The following PCDH7 variants were observed in gnomAD, a reference collection of about 807,000 sequenced individuals.
PCDH7 encodes the protein protocadherin 7.
In PCDH7, 17 loss-of-function variants were observed where a neutral mutation model predicts 58.9. The observed-to-expected ratio is 0.29, with a 90% CI of 0.20 to 0.43. The LOEUF is 0.43. Ranked by LOEUF, PCDH7 falls within the 20% of genes least tolerant of loss-of-function variation. The pLI, the probability that PCDH7 is intolerant of heterozygous loss-of-function variation, is 1.00. For missense variants in PCDH7, 1,274 were observed against 1,441.0 expected, an observed-to-expected ratio of 0.88 and a Z score of 1.88; for synonymous variants, 664 against 616.4, an observed-to-expected ratio of 1.08 and a Z score of -1.14.
intron 1 of PCDH7, among the ~76,000 whole-genome samples, chr4:30,769,918 T>G (rs761614668): frequency 1.3e-5 from 2 of 152,234 alleles, no homozygotes; most frequent in Admixed American, 1.3e-4. Context: ...TTTCTATAGC[T>G]AGAGCTTGAT....
At chr4:30,762,649 G>T (rs1331655295) in intron 1 of PCDH7, among the ~76,000 whole-genome samples, 1 of 152,112 alleles carries the variant, frequency 6.6e-6, no homozygotes, top group Non-Finnish European at 1.5e-5. Flanking sequence ...AAAGACCAAA[G>T]AAAATATTAG....
intron 2 of PCDH7, among the ~76,000 whole-genome samples, chr4:30,930,077 C>T (rs561471912): frequency 2.6e-5 from 4 of 151,880 alleles, no homozygotes; most frequent in Non-Finnish European, 4.4e-5. Context: ...GAGAGAAAGG[C>T]GTGTACAGAT....
intron 3 of PCDH7, among the ~76,000 whole-genome samples, chr4:31,089,426 A>AT (rs1396460234): frequency 2.6e-5 from 4 of 151,886 alleles, no homozygotes; most frequent in Admixed American, 6.6e-5. Flanking sequence ...TTTTTTTCTT[A>AT]TTTTTTTAAT....
intron 1 of PCDH7, among the ~76,000 whole-genome samples, chr4:30,780,542 T>C (rs144760733): frequency 2.3e-4 from 34 of 148,490 alleles, no homozygotes; most frequent in Middle Eastern, 3.5e-3. Flanking sequence ...ACAAATAAAA[T>C]AGTTGTTTTT....
At chr4:31,134,683 G>A (rs1719384198) in intron 3 of PCDH7, among the ~76,000 whole-genome samples, 1 of 152,090 alleles carries the variant, frequency 6.6e-6, no homozygotes, top group African/African-American at 2.4e-5. Flanking sequence ...TCACATTTCT[G>A]TGGATTGACT....
intron 2 of PCDH7, among the ~76,000 whole-genome samples, chr4:30,938,093 G>GA (rs1232680056): frequency 1.3e-5 from 2 of 151,870 alleles, no homozygotes; most frequent in Non-Finnish European, 2.9e-5. Flanking sequence ...AGCAATAGGG[G>GA]AAAAAAAGAA....
intron 3 of PCDH7, among the ~76,000 whole-genome samples, chr4:31,107,070 C>CT (rs749055053): frequency 6.6e-5 from 10 of 151,974 alleles, no homozygotes; most frequent in African/African-American, 2.4e-4. Context: ...CTACATTTCC[C>CT]TTTTTTTAGT....
At chr4:30,998,371 G>A (rs1021432477) in intron 3 of PCDH7, among the ~76,000 whole-genome samples, 6 of 152,146 alleles carry the variant, frequency 3.9e-5, no homozygotes, top group Admixed American at 3.9e-4. Context: ...TACAAGATAA[G>A]TTGAGGAATG....
intron 1 of PCDH7, among the ~76,000 whole-genome samples, chr4:30,827,672 A>G (rs977536889): frequency 6.6e-6 from 1 of 152,172 alleles, no homozygotes; most frequent in African/African-American, 2.4e-5. Flanking sequence ...CAATCTACAT[A>G]GACAGTTGTG....
chr4:30,794,919 T>C (rs530262106), intron 1 of PCDH7, among the ~76,000 whole-genome samples: 1 of 152,294 alleles, frequency 6.6e-6, no homozygotes, highest in African/African-American at 2.4e-5. Context: ...TTATTTTTGG[T>C]ATGATAGTTA....
At chr4:30,727,364 C>G (rs1049919359) in intron 1 of PCDH7, among the ~76,000 whole-genome samples, 3 of 151,890 alleles carry the variant, frequency 2.0e-5, no homozygotes, top group Non-Finnish European at 4.4e-5. Context: ...AAATAATACT[C>G]TCCCTTAACT....
intron 1 of PCDH7, among the ~76,000 whole-genome samples, chr4:30,816,452 T>C (rs1013680796): frequency 2.0e-5 from 3 of 152,192 alleles, no homozygotes; most frequent in Non-Finnish European, 4.4e-5. Flanking sequence ...CCTTTTAAAA[T>C]ATGTAAGCAT....
intron 3 of PCDH7, among the ~76,000 whole-genome samples, chr4:31,084,270 A>G (rs887677336): frequency 1.3e-5 from 2 of 152,214 alleles, no homozygotes; most frequent in Admixed American, 1.3e-4. Flanking sequence ...ATACGGACAG[A>G]TTGCAGAGAA....
chr4:31,058,616 C>T (rs894606970), intron 3 of PCDH7, among the ~76,000 whole-genome samples: 6 of 151,752 alleles, frequency 4.0e-5, no homozygotes, highest in African/African-American at 1.5e-4. Flanking sequence ...ATAATTTGAC[C>T]ATTGATTTAA....
chr4:30,731,178 T>C (rs1715439306), exon 2 of PCDH7: 1 of 986,524 alleles, frequency 1.0e-6, no homozygotes, highest in African/African-American at 1.7e-5. Context: ...CTTTAATACA[T>C]TAAATACTGA....
intron 1 of PCDH7, among the ~76,000 whole-genome samples, chr4:30,878,753 G>A (rs1736595595): frequency 6.6e-6 from 1 of 152,122 alleles, no homozygotes. Flanking sequence ...TGGAGGCTGA[G>A]GCAGGAAAAT....
At chr4:30,742,118 A>G (rs994197234) in intron 1 of PCDH7, among the ~76,000 whole-genome samples, 6 of 152,178 alleles carry the variant, frequency 3.9e-5, no homozygotes, top group African/African-American at 1.4e-4. Context: ...CACAGTTAAT[A>G]ATAAAATTGT....
chr4:31,114,691 AAG>A (rs1716780982), intron 3 of PCDH7, among the ~76,000 whole-genome samples: 1 of 150,694 alleles, frequency 6.6e-6, no homozygotes, highest in African/African-American at 2.4e-5. Flanking sequence ...AGGGAGGAGG[AAG>A]AGAGAGGAAG....
At chr4:31,096,258 A>C (rs1172424524) in intron 3 of PCDH7, among the ~76,000 whole-genome samples, 1 of 152,186 alleles carries the variant, frequency 6.6e-6, no homozygotes, top group African/African-American at 2.4e-5. Context: ...TTCAGCTTAG[A>C]TATTCAATAA....
Sources: gnomAD v4.1 joint callset for allele counts (sites outside exome capture counted in the v4.1 genomes callset) on GRCh38, gnomAD v4.1.1 for gene constraint, MANE v1.5 for transcripts, NCBI Gene and HGNC (gene_info 2026-07-23, HGNC 2026-07-21) for gene names.